HADHB: variants seen among roughly 807,000 people sequenced by gnomAD.
HADHB encodes trifunctional enzyme subunit beta, mitochondrial.
HADHB carries 50 observed loss-of-function variants against 61.9 expected under a neutral mutation model. The ratio of observed to expected loss-of-function variants is 0.81; its 90% CI spans 0.64 to 1.02. HADHB has a LOEUF of 1.02. Ranked by LOEUF, HADHB falls within the 50% of genes least tolerant of loss-of-function variation. The pLI is 0.00. For synonymous variants in HADHB, 191 were observed against 201.6 expected (o/e 0.95, Z 0.45); for missense variants, 504 against 586.5 (o/e 0.86, Z 1.45).
At chr2:26,261,650 C>T (rs141363121) in intron 3 of HADHB, 2 of 152,448 alleles carry the variant, frequency 1.3e-5, no homozygotes, top group African/African-American at 4.8e-5. Context: ...TGTCGTGTGC[C>T]TGTAATCCCA....
At chr2:26,289,166 C>T (rs1673163467) in intron 15 of HADHB, among the ~76,000 whole-genome samples, 1 of 152,094 alleles carries the variant, frequency 6.6e-6, no homozygotes, top group African/African-American at 2.4e-5. Flanking sequence ...AGGAGAATGG[C>T]GTGAACCCGG....
intron 10 of HADHB, among the ~76,000 whole-genome samples, chr2:26,281,969 C>T (rs1014927794): frequency 2.6e-5 from 4 of 151,572 alleles, no homozygotes; most frequent in Non-Finnish European, 4.4e-5. Flanking sequence ...TCTTTGTCCT[C>T]CAGCTTCTCG....
rs1252716521 is a variant in HADHB at position 26,266,906 on chromosome 2, GATAA to G, written c.210-3042_210-3039del. ...AAAAAAAAAAAAAAGGATTGTAAAT[GATAA>G]ATAATTTATGGCTTAGGCATTTTCA... On this transcript the variant is annotated intron_variant, in intron 4 of 15. Transcript: ENST00000317799. 3.4e-5 allele frequency among the ~76,000 whole-genome samples: 4 copies of G among 116,290 alleles called. No individual in the cohort carries two copies. The East Asian group carries it at 8.4e-4, about 25-fold the overall frequency. 76.3% of individuals were successfully genotyped at this position (116,290 alleles called of 152,430 possible).
At chr2:26,273,810 A>G in intron 6 of HADHB, 60 bp downstream of exon 6, 3 of 882,248 alleles carry the variant, frequency 3.4e-6, no homozygotes, top group Non-Finnish European at 5.8e-6. Flanking sequence ...TTGAATTTCA[A>G]TTAATAGAAG....
chr2:26,263,945 G>T (rs1671962633), intron 4 of HADHB, among the ~76,000 whole-genome samples: 2 of 152,146 alleles, frequency 1.3e-5, no homozygotes, highest in South Asian at 4.1e-4. Flanking sequence ...AAGTGTGTGG[G>T]ACCAGAATGG....
intron 5 of HADHB, among the ~76,000 whole-genome samples, 158 bp downstream of exon 5, chr2:26,270,155 A>G (rs1371405406): frequency 6.6e-6 from 1 of 152,224 alleles, no homozygotes; most frequent in Non-Finnish European, 1.5e-5. Context: ...CAGGCCTAAC[A>G]GTGTCTTAGC....
intron 1 of HADHB, among the ~76,000 whole-genome samples, chr2:26,247,269 G>A (rs778759466): frequency 3.3e-5 from 5 of 152,080 alleles, no homozygotes; most frequent in Non-Finnish European, 7.3e-5. Flanking sequence ...TCCATGCTTT[G>A]AATATTTTTA....
At chr2:26,285,339 C>G in intron 14 of HADHB, 68 bp from the exon 15 acceptor site, 1 of 1,360,070 alleles carries the variant, frequency 7.4e-7, no homozygotes. Flanking sequence ...CTTCGTAGTA[C>G]TAAGAGCCTA....
rs1262363422 is a variant in HADHB, at chr2:26,285,534, A to T, written c.1352A>T (p.Gln451Leu). 1 of 1,614,138 alleles carries T rather than the reference A, an allele frequency of 6.2e-7. No homozygotes were observed. Among genetic ancestry groups the T allele is most frequent in the Non-Finnish European group, 8.5e-7 (1 of 1,179,988 alleles). ...AACAGATTACGGAAAGAAGGAGGCC[A>T]GTATGGCTTAGTGGCTGCGTGTGCA... ...AANRLRKEGG[Q>L]YGLVAACAAG... is the part of the protein sequence containing the mutation. Residue 451 changes from glutamine to leucine, a missense_variant, in exon 15 of 16, where the codon CAG (glutamine) becomes CTG (leucine). Transcript: ENST00000317799.
intron 1 of HADHB, among the ~76,000 whole-genome samples, chr2:26,247,294 T>C (rs982321012): frequency 6.6e-6 from 1 of 152,216 alleles, no homozygotes; most frequent in African/African-American, 2.4e-5. Flanking sequence ...AATTTCTGTT[T>C]TCTGAAGTTT....
chr2:26,285,486 G>A lies in HADHB; in HGVS notation c.1304G>A (p.Cys435Tyr). The A allele has an allele frequency of 6.2e-7, 1 of 1,613,306 alleles. No homozygotes were observed. The highest frequency in any genetic ancestry group is 8.5e-7 in the Non-Finnish European group (1 of 1,179,282). ...GGACACCCATTTGGAGCCACTGGCT[G>A]CAGGTTGGTCATGGCTGCTGCCAAC... Reference protein sequence around the residue: ...SLGHPFGATGCRLVMAAANRL... With the variant: ...SLGHPFGATGYRLVMAAANRL... Residue 435 changes from cysteine to tyrosine, a missense_variant, in exon 15 of 16, where the codon TGC (cysteine) becomes TAC (tyrosine). Coordinates refer to ENST00000317799, the MANE Select transcript of HADHB (RefSeq NM_000183.3).
chr2:26,246,462 C>T (rs1032262828), intron 1 of HADHB, among the ~76,000 whole-genome samples: 1 of 151,668 alleles, frequency 6.6e-6, no homozygotes, highest in Non-Finnish European at 1.5e-5. Flanking sequence ...GCCTCAGGCT[C>T]CCGAGTAGCT....
chr2:26,284,691 T>G (rs989781875), intron 13 of HADHB, among the ~76,000 whole-genome samples, 192 bp from the exon 14 acceptor site: 6 of 152,224 alleles, frequency 3.9e-5, no homozygotes, highest in African/African-American at 1.4e-4. Context: ...GGTCTTGAAC[T>G]CCTGACCTCA....
intron 14 of HADHB, 74 bp from the exon 15 acceptor site, chr2:26,285,333 G>C (rs140386266): frequency 1.6e-6 from 2 of 1,263,762 alleles, no homozygotes; most frequent in African/African-American, 1.5e-5. Flanking sequence ...CTCTTACTTC[G>C]TAGTACTAAG....
At chr2:26,284,297 G>A in intron 13 of HADHB, 93 bp downstream of exon 13, 2 of 803,832 alleles carry the variant, frequency 2.5e-6, no homozygotes, top group South Asian at 1.3e-5. Context: ...TTTATGATGT[G>A]AGTAGAGCAG....
intron 3 of HADHB, among the ~76,000 whole-genome samples, chr2:26,259,346 T>C (rs1391127324): frequency 6.6e-6 from 1 of 152,220 alleles, no homozygotes; most frequent in Admixed American, 6.5e-5. Flanking sequence ...CTTGCTTTTA[T>C]TCAGTGTAGG....
chr2:26,273,595 C>A (rs749189161), intron 5 of HADHB, 56 bp from the exon 6 acceptor site: 2 of 934,258 alleles, frequency 2.1e-6, no homozygotes, highest in Admixed American at 1.7e-5. Context: ...GTGTGATGAT[C>A]TCTGGCACTG....
At chr2:26,269,008 G>T (rs2147815527) in intron 4 of HADHB, among the ~76,000 whole-genome samples, 1 of 152,148 alleles carries the variant, frequency 6.6e-6, no homozygotes, top group East Asian at 1.9e-4. Context: ...AATCAGCTGG[G>T]CGTGGTGGTG....
At chr2:26,269,084 G>A (rs575937808) in intron 4 of HADHB, among the ~76,000 whole-genome samples, 8 of 151,946 alleles carry the variant, frequency 5.3e-5, no homozygotes, top group Middle Eastern at 3.4e-3. Flanking sequence ...TGGAGGTGGA[G>A]GTTGCAGTGA....
Sources: allele counts gnomAD v4.1 joint callset (sites outside exome capture counted in the v4.1 genomes callset), GRCh38; gene constraint gnomAD v4.1.1; transcripts MANE v1.5; gene names NCBI Gene and HGNC (gene_info 2026-07-23, HGNC 2026-07-21).